The following EPHA6 variants were observed in gnomAD, a reference collection of about 807,000 sequenced individuals.
EPHA6 encodes EPH receptor A6.
A neutral mutation model predicts 112.0 loss-of-function variants in EPHA6; 50 were observed. That is an observed-to-expected ratio of 0.45 (90% CI 0.36 to 0.56). The LOEUF is 0.56. EPHA6 is among the 20% of genes least tolerant of loss of function. EPHA6 has a pLI of 0.00. For synonymous variants in EPHA6, 529 were observed against 490.7 expected (o/e 1.08, Z -1.03); for missense variants, 1,280 against 1,417.4 (o/e 0.90, Z 1.56).
chr3:97,261,047 G>A (rs1389265956), intron 5 of EPHA6, among the ~76,000 whole-genome samples: 2 of 152,188 alleles, frequency 1.3e-5, no homozygotes, highest in Admixed American at 1.3e-4. Flanking sequence ...CTTGAAACAA[G>A]TAGTCTAATG....
intron 5 of EPHA6, among the ~76,000 whole-genome samples, chr3:97,343,010 G>A (rs775425692): frequency 9.9e-5 from 15 of 152,152 alleles, no homozygotes; most frequent in South Asian, 6.2e-4. Context: ...AATGGGTATC[G>A]GTTAGAAAAG....
chr3:96,994,730 T>TAGAGAGAGAGAGAGAGAGAG (rs1325190702), intron 3 of EPHA6, among the ~76,000 whole-genome samples: 3 of 82,852 alleles, frequency 3.6e-5, no homozygotes, highest in Admixed American at 1.4e-4. Context: ...TATATATATA[T>TAGAGAGAGAGAGAGAGAGAG]ATAGAGAGAG....
rs1463599601 is a variant in EPHA6 at position 97,405,152 on chromosome 3, C to A, written c.1609C>A (p.Pro537Thr). The change falls in exon 6 of 18, where the codon CCT becomes ACT. Residue 537 changes from proline (P) to threonine (T), a missense_variant and splice_region_variant. By Grantham distance (38) the Pro-to-Thr change is conservative (BLOSUM62 -1). Coordinates refer to ENST00000389672, the MANE Select transcript of EPHA6 (RefSeq NM_001080448.3). ...AITVTTDQDA[P>T]SLIGVVRKDW... ...TTAGTTATTTTCTTTCCTTTCAGCA[C>A]CTTCCCTGATAGGTGTGGTAAGGAA... 2 of 1,593,646 alleles carry A rather than the reference C, an allele frequency of 1.3e-6. No homozygotes were observed. Among genetic ancestry groups the A allele is most frequent in the Non-Finnish European group, 8.6e-7 (1 of 1,168,404 alleles).
intron 6 of EPHA6, among the ~76,000 whole-genome samples, chr3:97,435,660 A>C (rs1374875806): frequency 2.6e-5 from 4 of 152,198 alleles, no homozygotes; most frequent in Non-Finnish European, 5.9e-5. Context: ...TAACATGGGC[A>C]ACATGTGTGA....
intron 14 of EPHA6, among the ~76,000 whole-genome samples, chr3:97,663,209 A>G (rs1034009458): frequency 3.9e-5 from 6 of 152,306 alleles, no homozygotes; most frequent in Non-Finnish European, 7.4e-5. Flanking sequence ...TATTAGAAAT[A>G]TATATTTTTA....
chr3:97,635,098 A>G lies in EPHA6; in HGVS notation c.2575-2775A>G, dbSNP rs79762089. On this transcript the variant is annotated intron_variant, in intron 13 of 17. Transcript: ENST00000389672. ...TTGTGCAAATATCAACCTAGTGAAA[A>G]AAGGCAAAAACATGTACTTAGTGCT... Among the ~76,000 whole-genome samples, 58 of 152,136 alleles carry G rather than the reference A, an allele frequency of 3.8e-4. 1 individual carries two copies. In the East Asian group the frequency reaches 8.7e-3, roughly 23 times the overall value.
intron 3 of EPHA6, among the ~76,000 whole-genome samples, chr3:97,041,325 T>A (rs1298304870): frequency 1.3e-5 from 2 of 152,110 alleles, no homozygotes; most frequent in Admixed American, 1.3e-4. Flanking sequence ...TGCCAGTCCT[T>A]GTCCCTCTGA....
chr3:97,734,151 G>T (rs2035155300), intron 15 of EPHA6, among the ~76,000 whole-genome samples: 1 of 152,150 alleles, frequency 6.6e-6, no homozygotes, highest in East Asian at 1.9e-4. Context: ...GCACATGGTA[G>T]ATAATAAAGG....
chr3:97,335,329 A>G (rs1282655325), intron 5 of EPHA6, among the ~76,000 whole-genome samples: 2 of 152,188 alleles, frequency 1.3e-5, no homozygotes, highest in East Asian at 3.9e-4. Context: ...ATACATTTGG[A>G]ATAAACCTGA....
rs1318793443 is a variant in EPHA6 at position 97,448,692 on chromosome 3, G to C, written c.1856G>C (p.Gly619Ala). The change falls in exon 7 of 18, where the codon GGC (glycine) becomes GCC (alanine). Residue 619 changes from glycine to alanine, a missense_variant. Physicochemically the swap from Gly to Ala is moderately conservative, Grantham distance 60. Transcript: ENST00000389672. ...IRVRTATGYSGYSQKFEFETG... is the reference protein window; with the variant it reads ...IRVRTATGYSAYSQKFEFETG... ...GTGAGAACTGCGACAGGATACAGTG[G>C]CTACAGTCAGAAATTTGAATTTGAA... 6.2e-7 allele frequency: 1 copy of C among 1,613,434 alleles called. No homozygotes were observed. Among genetic ancestry groups the C allele is most frequent in the Admixed American group, 1.7e-5 (1 of 59,976 alleles).
intron 4 of EPHA6, among the ~76,000 whole-genome samples, chr3:97,237,738 C>T (rs542118911): frequency 3.3e-5 from 5 of 152,010 alleles, no homozygotes; most frequent in African/African-American, 1.2e-4. Flanking sequence ...TGACAGTGCT[C>T]GGATTTTTCA....
At chr3:97,510,567 C>T (rs890075818) in intron 10 of EPHA6, among the ~76,000 whole-genome samples, 1 of 152,132 alleles carries the variant, frequency 6.6e-6, no homozygotes, top group Non-Finnish European at 1.5e-5. Context: ...GAAGCTTCAT[C>T]CCAGAGGGGC....
intron 2 of EPHA6, among the ~76,000 whole-genome samples, chr3:96,940,403 A>C (rs1040616496): frequency 2.0e-5 from 3 of 152,096 alleles, no homozygotes; most frequent in African/African-American, 7.2e-5. Context: ...CTGTTTTATC[A>C]GAGACTAGGA....
At chr3:96,889,878 A>G (rs1033281372) in intron 2 of EPHA6, among the ~76,000 whole-genome samples, 4 of 152,200 alleles carry the variant, frequency 2.6e-5, no homozygotes, top group Non-Finnish European at 4.4e-5. Context: ...CAGACCCACC[A>G]TTTATTAAGT....
At chr3:97,168,763 G>A (rs551827115) in intron 3 of EPHA6, among the ~76,000 whole-genome samples, 24 of 152,046 alleles carry the variant, frequency 1.6e-4, no homozygotes, top group African/African-American at 3.9e-4. Flanking sequence ...GACCCTTTTC[G>A]TTATACCCAG....
chr3:97,142,522 G>A (rs1419529366), intron 3 of EPHA6, among the ~76,000 whole-genome samples: 1 of 152,042 alleles, frequency 6.6e-6, no homozygotes, highest in South Asian at 2.1e-4. Flanking sequence ...CATCATCAGA[G>A]ACTACTACTA....
At chr3:97,560,357 T>G (rs2093171350) in intron 11 of EPHA6, 1 of 151,998 alleles carries the variant, frequency 6.6e-6, no homozygotes, top group South Asian at 2.1e-4. Flanking sequence ...CAACAGATAG[T>G]GTGATTGTGA....
At chr3:97,149,146 C>T (rs899879006) in intron 3 of EPHA6, among the ~76,000 whole-genome samples, 1 of 152,086 alleles carries the variant, frequency 6.6e-6, no homozygotes, top group Non-Finnish European at 1.5e-5. Flanking sequence ...GGCTTGCTTT[C>T]TCTGGCCCAT....
chr3:96,816,328 C>T (rs2032778796), intron 1 of EPHA6, among the ~76,000 whole-genome samples: 2 of 152,110 alleles, frequency 1.3e-5, no homozygotes. Flanking sequence ...ACCTTCATGG[C>T]TTTGAAGATA....
Sources: allele counts gnomAD v4.1 joint callset (sites outside exome capture counted in the v4.1 genomes callset), GRCh38; gene constraint gnomAD v4.1.1; transcripts MANE v1.5; gene names NCBI Gene and HGNC (gene_info 2026-07-23, HGNC 2026-07-21).